Variants in ITGBL1 observed in about 807,000 individuals in gnomAD.
The protein encoded by ITGBL1 is integrin beta-like protein 1.
ITGBL1 carries 51 observed loss-of-function variants against 68.5 expected under a neutral mutation model. The observed-to-expected ratio is 0.74, with a 90% CI of 0.59 to 0.94. The LOEUF is 0.94. Among genes scored for constraint, ITGBL1 ranks in the 40% least tolerant of loss-of-function variants. The pLI is 0.00. For missense variants in ITGBL1, 649 were observed against 647.4 expected (o/e 1.00, Z -0.03); for synonymous variants, 209 against 227.3 (o/e 0.92, Z 0.72).
chr13:101,603,021 A>G (rs1483987378), intron 7 of ITGBL1, among the ~76,000 whole-genome samples: 2 of 151,990 alleles, frequency 1.3e-5, no homozygotes, highest in East Asian at 1.9e-4. Flanking sequence ...GTCGTTATGA[A>G]TAATGCTGCT....
Position 101,692,570 on chromosome 13 carries a change from CT to C in ITGBL1, c.1016-12del. On this transcript the variant is annotated splice_polypyrimidine_tract_variant and intron_variant, in intron 7 of 10. Transcript: ENST00000376180. Reference sequence around the variant, plus strand: ...GACTCTCCTCATAAGTGTGCACTTTCTTTATACTTTCCAGGTAAATGTGAAT... The same window carrying C: ...GACTCTCCTCATAAGTGTGCACTTTCTTATACTTTCCAGGTAAATGTGAAT... 6.3e-7 allele frequency: 1 copy of C among 1,576,032 alleles called. No homozygotes were observed. Among genetic ancestry groups the C allele is most frequent in the Non-Finnish European group, 8.7e-7 (1 of 1,145,426 alleles).
At chr13:101,567,653 C>A (rs1464686871) in intron 2 of ITGBL1, 46 bp from the exon 3 acceptor site, 1 of 1,588,048 alleles carries the variant, frequency 6.3e-7, no homozygotes, top group Non-Finnish European at 8.6e-7. Context: ...TAGTGGTTAT[C>A]TTTGGAAAAC....
At chr13:101,540,159 T>G (rs2049666362) in intron 2 of ITGBL1, among the ~76,000 whole-genome samples, 1 of 152,186 alleles carries the variant, frequency 6.6e-6, no homozygotes, top group Non-Finnish European at 1.5e-5. Flanking sequence ...TTGCCTAGGT[T>G]TTCTTCTAGG....
intron 7 of ITGBL1, among the ~76,000 whole-genome samples, chr13:101,666,835 G>C (rs983999679): frequency 6.6e-6 from 1 of 151,998 alleles, no homozygotes; most frequent in Non-Finnish European, 1.5e-5. Context: ...CAACTGTTAC[G>C]GACAGGCAAG....
chr13:101,567,070 A>G (rs1421555865), intron 2 of ITGBL1, among the ~76,000 whole-genome samples: 1 of 152,194 alleles, frequency 6.6e-6, no homozygotes, highest in Non-Finnish European at 1.5e-5. Context: ...ACTTAATAAC[A>G]TTACTGATCA....
intron 2 of ITGBL1, among the ~76,000 whole-genome samples, chr13:101,567,045 G>C (rs1364971363): frequency 6.6e-6 from 1 of 152,056 alleles, no homozygotes; most frequent in Admixed American, 6.6e-5. Context: ...ACATTAGTAG[G>C]CTTCATCAAG....
At chr13:101,607,895 CCTT>C (rs2030946428) in intron 7 of ITGBL1, among the ~76,000 whole-genome samples, 2 of 152,014 alleles carry the variant, frequency 1.3e-5, no homozygotes, top group African/African-American at 2.4e-5. Flanking sequence ...TCAGTATTTG[CCTT>C]CTTTGATCAT....
intron 2 of ITGBL1, among the ~76,000 whole-genome samples, chr13:101,530,679 G>A (rs973572159): frequency 5.3e-5 from 8 of 152,112 alleles, no homozygotes; most frequent in African/African-American, 1.9e-4. Context: ...GTTTGAATAT[G>A]TTTGGTAATT....
chr13:101,692,775 C>CTTGCTT lies in ITGBL1; in HGVS notation c.1132+77_1132+82dup. ...ACCTGCCTTTGTTATTCTACTGACT[C>CTTGCTT]TTGCTTTTTCAATTGCTGTTAAAAA... On this transcript the variant is annotated intron_variant, in intron 8 of 10. Transcript: ENST00000376180. 5 of 916,228 alleles carry CTTGCTT rather than the reference C, an allele frequency of 5.5e-6. No individual in the cohort carries two copies. In the South Asian group the frequency reaches 6.8e-5, roughly 12 times the overall value. The allele number at this position is 916,228 out of a possible 1,614,324, so 56.8% of individuals were successfully genotyped here. A position where few individuals can be genotyped will look rare whatever the true frequency, so the allele number is the denominator to read the frequency against.
chr13:101,719,530 T>G (rs1203493556), downstream of ITGBL1: 1 of 152,118 alleles, frequency 6.6e-6, no homozygotes. Flanking sequence ...TCTCTAATTT[T>G]TCCAAGTAAA....
chr13:101,599,026 G>A (rs1204434154), intron 7 of ITGBL1, among the ~76,000 whole-genome samples: 3 of 152,186 alleles, frequency 2.0e-5, no homozygotes, highest in Non-Finnish European at 2.9e-5. Context: ...CTTCCACAAA[G>A]GTTGAACTAG....
intron 9 of ITGBL1, chr13:101,710,898 G>T (rs1178335203): frequency 6.6e-6 from 1 of 152,158 alleles, no homozygotes; most frequent in Non-Finnish European, 1.5e-5. Flanking sequence ...ACATTCTTGT[G>T]ACCTTCATAA....
intron 6 of ITGBL1, among the ~76,000 whole-genome samples, chr13:101,597,517 C>A (rs1320753072): frequency 6.7e-6 from 1 of 150,306 alleles, no homozygotes; most frequent in African/African-American, 2.4e-5. Context: ...CCACCAAATA[C>A]TCCTTTCCGT....
At chr13:101,518,297 T>A (rs1310989895) in intron 2 of ITGBL1, among the ~76,000 whole-genome samples, 1 of 152,166 alleles carries the variant, frequency 6.6e-6, no homozygotes, top group Non-Finnish European at 1.5e-5. Flanking sequence ...AAATAATCAC[T>A]AAAAAGTATA....
chr13:101,705,880 C>A (rs545168569), intron 8 of ITGBL1, among the ~76,000 whole-genome samples: 170 of 151,966 alleles, frequency 1.1e-3, no homozygotes, highest in African/African-American at 3.9e-3. Flanking sequence ...TAGTGCATAG[C>A]AAAATGCTCT....
chr13:101,661,895 T>C (rs2033099144), intron 7 of ITGBL1, among the ~76,000 whole-genome samples: 1 of 152,202 alleles, frequency 6.6e-6, no homozygotes, highest in African/African-American at 2.4e-5. Flanking sequence ...GTGGAATTAA[T>C]GCAGTGACTC....
intron 9 of ITGBL1, among the ~76,000 whole-genome samples, chr13:101,708,026 A>AC (rs2034300820): frequency 6.9e-6 from 1 of 144,338 alleles, no homozygotes; most frequent in Non-Finnish European, 1.5e-5. Flanking sequence ...CACACATGCA[A>AC]ACACACACAC....
chr13:101,632,155 A>C (rs183963748), intron 7 of ITGBL1, among the ~76,000 whole-genome samples: 6 of 152,002 alleles, frequency 3.9e-5, no homozygotes, highest in African/African-American at 9.7e-5. Flanking sequence ...CTCTCTATAT[A>C]TATATATATC....
At chr13:101,485,368 G>A (rs1204087260) in intron 2 of ITGBL1, among the ~76,000 whole-genome samples, 1 of 152,124 alleles carries the variant, frequency 6.6e-6, no homozygotes. Flanking sequence ...GCATCAAAAA[G>A]TGGGTAAAGG....
Sources: allele counts gnomAD v4.1 joint callset (sites outside exome capture counted in the v4.1 genomes callset), GRCh38; gene constraint gnomAD v4.1.1; transcripts MANE v1.5; gene names NCBI Gene and HGNC (gene_info 2026-07-23, HGNC 2026-07-21).